AGAP1: variants seen among roughly 807,000 people sequenced by gnomAD.
AGAP1 encodes the protein ArfGAP with GTPase domain, ankyrin repeat and PH domain 1, also known as arf-GAP with GTPase, ANK repeat and PH domain-containing protein 1.
AGAP1 carries 29 observed loss-of-function variants against 105.3 expected under a neutral mutation model. The observed-to-expected ratio is 0.28, with a 90% confidence interval of 0.21 to 0.38. AGAP1 has a LOEUF of 0.38. Ranked by LOEUF, AGAP1 falls within the 10% of genes least tolerant of loss-of-function variation. The probability of loss-of-function intolerance (pLI) is 1.00; values close to 1 mark genes in which losing one functional copy is unlikely to be tolerated. For missense variants in AGAP1, 998 were observed against 1,165.1 expected (o/e 0.86, Z 2.09); for synonymous variants, 509 against 485.9 (o/e 1.05, Z -0.63).
At chr2:236,016,072 C>T (rs2056692244) in intron 13 of AGAP1, among the ~76,000 whole-genome samples, 1 of 152,028 alleles carries the variant, frequency 6.6e-6, no homozygotes, top group Non-Finnish European at 1.5e-5. Flanking sequence ...AACAAATCTA[C>T]ATTTTCACTA....
In AGAP1 at chr2:236,123,832, A is replaced by T; in HGVS notation, c.2371-87A>T. ...TGGCCCCGCTGTCCAAGCACAAGCC[A>T]CATGCAAGGGCTGAGAGAAAGCTTC... On this transcript the variant is annotated intron_variant, in intron 17 of 17. Transcript: ENST00000304032. This position sits in a 1 kb window ranked among gnomAD's most constrained non-coding sequence, Gnocchi z 4.6. 6 of 1,520,608 alleles carry T rather than the reference A, an allele frequency of 3.9e-6. No individual in the cohort carries two copies. The highest frequency in any genetic ancestry group is 5.4e-6 in the Non-Finnish European group (6 of 1,113,214). The allele number at this position is 1,520,608 out of a possible 1,614,324, so 94.2% of individuals were successfully genotyped here.
rs961826171 is a variant in AGAP1, at chr2:235,612,830, C to T, written c.164-96349C>T. Among the ~76,000 whole-genome samples the T allele has an allele frequency of 1.3e-5, 2 of 152,104 alleles. No homozygotes were observed. The highest frequency in any genetic ancestry group is 2.9e-5 in the Non-Finnish European group (2 of 68,014). On this transcript the variant is annotated intron_variant, in intron 1 of 17. Coordinates refer to ENST00000304032, the MANE Select transcript of AGAP1 (RefSeq NM_001037131.3). This position sits in a 1 kb window ranked among gnomAD's most constrained non-coding sequence, Gnocchi z 4.3. ...TTGTGATCTTGTGGAGGGAATGACC[C>T]CACGTCTCTGGATTCTGGCTTCTGC...
chr2:235,851,877 C>G (rs1026232190), intron 9 of AGAP1, among the ~76,000 whole-genome samples: 1 of 152,184 alleles, frequency 6.6e-6, no homozygotes, highest in Non-Finnish European at 1.5e-5. Context: ...ATTTTGGCGA[C>G]AAGCAGTAAG....
Position 236,129,703 on chromosome 2 carries a change from T to G in AGAP1, c.*5581T>G, listed in dbSNP as rs1006279982. On this transcript the variant is annotated 3_prime_UTR_variant, in exon 18 of 18. Transcript: ENST00000304032. The surrounding 1 kb of genome is among the most constrained non-coding windows in gnomAD (Gnocchi z 6.2). Reference sequence around the variant, plus strand: ...GCCCTTAAATAGACTGTTGAAATATTAATGGCCCCCCCATTTAATCAGTGT... The same window carrying G: ...GCCCTTAAATAGACTGTTGAAATATGAATGGCCCCCCCATTTAATCAGTGT... 2 of 152,206 alleles carry G rather than the reference T, an allele frequency of 1.3e-5. No homozygotes were observed. The highest frequency in any genetic ancestry group is 2.9e-5 in the Non-Finnish European group (2 of 68,032). 9.4% of individuals were successfully genotyped at this position (152,206 alleles called of 1,614,324 possible). A position where few individuals can be genotyped will look rare whatever the true frequency, so the allele number is the denominator to read the frequency against.
intron 6 of AGAP1, among the ~76,000 whole-genome samples, 191 bp from the exon 7 acceptor site, chr2:235,797,568 G>A (rs539522184): frequency 3.9e-5 from 6 of 152,110 alleles, no homozygotes; most frequent in Admixed American, 2.0e-4. Flanking sequence ...ATGCGGGGGT[G>A]GGGGGACGGG....
intron 1 of AGAP1, among the ~76,000 whole-genome samples, chr2:235,648,147 G>T (rs1336861173): frequency 2.0e-5 from 3 of 152,170 alleles, no homozygotes; most frequent in Non-Finnish European, 4.4e-5. Context: ...TGTCCATCCC[G>T]TGTGTGCCAT....
intron 1 of AGAP1, among the ~76,000 whole-genome samples, chr2:235,624,540 A>G (rs1326844222): frequency 1.3e-5 from 2 of 152,176 alleles, no homozygotes; most frequent in Non-Finnish European, 2.9e-5. Flanking sequence ...AGAACTTAAA[A>G]TATTTCATTA....
intron 1 of AGAP1, among the ~76,000 whole-genome samples, chr2:235,587,597 C>T (rs1214131753): frequency 6.6e-6 from 1 of 151,900 alleles, no homozygotes; most frequent in Non-Finnish European, 1.5e-5. Context: ...ACTGAAAATA[C>T]TTAAAAAATT....
chr2:235,575,122 CG>C (rs1371390120), intron 1 of AGAP1, among the ~76,000 whole-genome samples: 8 of 130,066 alleles, frequency 6.2e-5, no homozygotes, highest in Admixed American at 5.9e-4. Flanking sequence ...GATCCTGTCT[CG>C]AAAAAACAAA....
intron 1 of AGAP1, among the ~76,000 whole-genome samples, chr2:235,632,111 C>T (rs1184111814): frequency 3.3e-5 from 5 of 152,200 alleles, no homozygotes; most frequent in African/African-American, 9.7e-5. Context: ...TTGGGGTTTT[C>T]AGACATATGT....
intron 16 of AGAP1, among the ~76,000 whole-genome samples, chr2:236,108,876 A>G (rs933310222): frequency 6.6e-6 from 1 of 150,812 alleles, no homozygotes; most frequent in Non-Finnish European, 1.5e-5. Flanking sequence ...CATCTCCCAG[A>G]CCCCGCCACA....
intron 9 of AGAP1, among the ~76,000 whole-genome samples, chr2:235,827,863 A>T (rs1959157236): frequency 6.6e-6 from 1 of 152,198 alleles, no homozygotes; most frequent in Non-Finnish European, 1.5e-5. Flanking sequence ...GCCTGCTGGG[A>T]TGTTGCTAGC....
intron 7 of AGAP1, among the ~76,000 whole-genome samples, chr2:235,798,132 G>A (rs1647998867): frequency 6.6e-6 from 1 of 152,136 alleles, no homozygotes; most frequent in South Asian, 2.1e-4. Flanking sequence ...GGTGGTGATG[G>A]GAGGTGTGTG....
In AGAP1 at chr2:235,551,115, A is replaced by T. The variant is rs1238379576; in HGVS notation, c.163+56266A>T. 6.6e-6 allele frequency among the ~76,000 whole-genome samples: 1 copy of T among 152,082 alleles called. No individual in the cohort carries two copies. On this transcript the variant is annotated intron_variant, in intron 1 of 17. Coordinates refer to ENST00000304032, the MANE Select transcript of AGAP1 (RefSeq NM_001037131.3). The surrounding 1 kb of genome is among the most constrained non-coding windows in gnomAD (Gnocchi z 4.8). Reference sequence around the variant, plus strand: ...AAGAGTGAGTTTGCTTCTGAGGAAGAGAAGTGGGGGGTCGGGGGCATCCCA... The same window carrying T: ...AAGAGTGAGTTTGCTTCTGAGGAAGTGAAGTGGGGGGTCGGGGGCATCCCA...
At chr2:235,808,203 G>A (rs138273040) in intron 9 of AGAP1, among the ~76,000 whole-genome samples, 1 of 152,364 alleles carries the variant, frequency 6.6e-6, no homozygotes, top group Non-Finnish European at 1.5e-5. Context: ...TTCTTGAGCA[G>A]AAGCCTCTGT....
chr2:235,996,177 A>G (rs1452086563), intron 13 of AGAP1, among the ~76,000 whole-genome samples: 1 of 152,216 alleles, frequency 6.6e-6, no homozygotes, highest in Non-Finnish European at 1.5e-5. Context: ...TCATTATTCG[A>G]TAAGCAATTA....
chr2:235,956,944 C>G (rs999022012), intron 12 of AGAP1, among the ~76,000 whole-genome samples: 1 of 152,222 alleles, frequency 6.6e-6, no homozygotes, highest in Non-Finnish European at 1.5e-5. Flanking sequence ...TTAAAATCTT[C>G]CTTATTTAAT....
rs181062729 is a variant in AGAP1, at chr2:235,967,067, C to A, written c.1484-1395C>A. 0.011 allele frequency among the ~76,000 whole-genome samples: 1,731 copies of A among 152,230 alleles called. 16 individuals are homozygous for A. Among genetic ancestry groups the A allele is most frequent in the Middle Eastern group, 0.027 (8 of 294 alleles). On this transcript the variant is annotated intron_variant, in intron 12 of 17. Coordinates refer to ENST00000304032, the MANE Select transcript of AGAP1 (RefSeq NM_001037131.3). This position sits in a 1 kb window ranked among gnomAD's most constrained non-coding sequence, Gnocchi z 4.7. ...ATGGCTCCCCATTCCCCCCAAAGCA[C>A]AGGCGAGGGTCCTCACGGTGGCCCG... is the stretch of plus-strand genomic sequence containing the variant.
chr2:235,607,699 T>C (rs1280879940), intron 1 of AGAP1, among the ~76,000 whole-genome samples: 1 of 152,194 alleles, frequency 6.6e-6, no homozygotes, highest in Non-Finnish European at 1.5e-5. Context: ...GATTCCACTT[T>C]AAGTGCGGGC....
Sources: allele counts gnomAD v4.1 joint callset (sites outside exome capture counted in the v4.1 genomes callset), GRCh38; gene constraint gnomAD v4.1.1; non-coding constraint Gnocchi (gnomAD v3.1); transcripts MANE v1.5; gene names NCBI Gene and HGNC (gene_info 2026-07-23, HGNC 2026-07-21).